CRACD: variants seen among roughly 807,000 people sequenced by gnomAD.
The protein encoded by CRACD is capping protein inhibiting regulator of actin dynamics, also known as capping protein-inhibiting regulator of actin dynamics.
Under a neutral mutation model 106.8 loss-of-function variants are expected in CRACD, and 56 were observed. The observed-to-expected ratio is 0.52, with a 90% confidence interval of 0.42 to 0.66. CRACD has a LOEUF of 0.66. Ranked by LOEUF, CRACD falls within the 30% of genes least tolerant of loss-of-function variation. The probability of loss-of-function intolerance (pLI) is 0.00; values close to 1 mark genes in which losing one functional copy is unlikely to be tolerated. For missense variants in CRACD, 1,730 were observed against 1,623.2 expected (o/e 1.07, Z -1.13); for synonymous variants, 754 against 670.8 (o/e 1.12, Z -1.92).
chr4:56,065,151 G>T (rs763062206), intron 1 of CRACD, among the ~76,000 whole-genome samples: 1 of 151,758 alleles, frequency 6.6e-6, no homozygotes, highest in Non-Finnish European at 1.5e-5. Flanking sequence ...GCAATGACAT[G>T]ATCTCAGCTC....
At chr4:56,300,275 G>A (rs773412969) in intron 4 of CRACD, among the ~76,000 whole-genome samples, 3 of 152,212 alleles carry the variant, frequency 2.0e-5, no homozygotes, top group Non-Finnish European at 2.9e-5. Context: ...TGGCAGACAG[G>A]GAAGTAGCCA....
intron 1 of CRACD, among the ~76,000 whole-genome samples, chr4:56,164,589 T>C (rs1736073772): frequency 2.0e-5 from 3 of 152,166 alleles, no homozygotes; most frequent in African/African-American, 7.2e-5. Context: ...TTCATGTATA[T>C]GACATTTGGG....
At chr4:56,199,767 C>G (rs1272884848) in intron 2 of CRACD, among the ~76,000 whole-genome samples, 1 of 151,020 alleles carries the variant, frequency 6.6e-6, no homozygotes, top group African/African-American at 2.4e-5. Context: ...CAATATTGTT[C>G]TGCTTTATGC....
intron 2 of CRACD, among the ~76,000 whole-genome samples, chr4:56,229,261 G>T (rs1334709788): frequency 6.6e-6 from 1 of 152,116 alleles, no homozygotes; most frequent in Non-Finnish European, 1.5e-5. Context: ...TTCGGAGGTG[G>T]CTCTGCCCTT....
At chr4:56,091,493 C>T (rs1219804036) in intron 1 of CRACD, among the ~76,000 whole-genome samples, 1 of 152,026 alleles carries the variant, frequency 6.6e-6, no homozygotes, top group Non-Finnish European at 1.5e-5. Context: ...CCCAGGATAG[C>T]CCATAAATGA....
intron 2 of CRACD, among the ~76,000 whole-genome samples, chr4:56,192,561 T>G (rs1737427037): frequency 6.6e-6 from 1 of 152,100 alleles, no homozygotes; most frequent in South Asian, 2.1e-4. Flanking sequence ...AGGTTCATGA[T>G]GAGGAACAGT....
chr4:56,126,803 TATTTTA>T (rs1263340994), intron 1 of CRACD, among the ~76,000 whole-genome samples: 1 of 152,190 alleles, frequency 6.6e-6, no homozygotes, highest in Non-Finnish European at 1.5e-5. Context: ...CTAACCCTAT[TATTTTA>T]TATATAAGGA....
intron 4 of CRACD, chr4:56,301,254 C>A (rs1377001645): frequency 2.1e-5 from 27 of 1,283,742 alleles, no homozygotes; most frequent in Non-Finnish European, 2.7e-5. Context: ...CCTGGTAAGT[C>A]GTAGAAGTGA....
chr4:56,206,975 A>G (rs547484271), intron 2 of CRACD, among the ~76,000 whole-genome samples: 21 of 152,342 alleles, frequency 1.4e-4, no homozygotes, highest in Admixed American at 5.9e-4. Flanking sequence ...AATACAGTGC[A>G]CCAGGGGGAC....
At chr4:56,136,376 T>C (rs567057224) in intron 1 of CRACD, among the ~76,000 whole-genome samples, 8 of 152,332 alleles carry the variant, frequency 5.3e-5, no homozygotes, top group South Asian at 4.1e-4. Context: ...ACATTCTCAC[T>C]AGCAGTATAT....
intron 2 of CRACD, among the ~76,000 whole-genome samples, chr4:56,268,597 C>T (rs1452577753): frequency 6.6e-6 from 1 of 152,156 alleles, no homozygotes; most frequent in Non-Finnish European, 1.5e-5. Context: ...AGCCATTTGA[C>T]CACTTACTGT....
Position 56,314,536 on chromosome 4 carries a change from G to A in CRACD, c.1034G>A (p.Arg345Lys). The A allele has an allele frequency of 1.3e-6, 2 of 1,508,680 alleles. No individual in the cohort carries two copies. The highest frequency in any genetic ancestry group is 1.8e-6 in the Non-Finnish European group (2 of 1,131,624). 93.5% of individuals were successfully genotyped at this position (1,508,680 alleles called of 1,614,324 possible). Residue 345 changes from arginine (R) to lysine (K), a missense_variant, in exon 8 of 11, where the codon AGG becomes AAG. By Grantham distance (26) the Arg-to-Lys change is conservative. Coordinates refer to ENST00000682029, the MANE Select transcript of CRACD (RefSeq NM_001393381.1). The surrounding 1 kb of genome is among the most constrained non-coding windows in gnomAD (Gnocchi z 4.4). Reference protein sequence around the residue: ...LEEDARLEERRRQEEEEGRCA... With the variant: ...LEEDARLEERKRQEEEEGRCA... Reference sequence around the variant, plus strand: ...GAGGACGCCAGGCTGGAGGAGCGGAGGCGGCAGGAGGAGGAGGAAGGAAGA... The same window carrying A: ...GAGGACGCCAGGCTGGAGGAGCGGAAGCGGCAGGAGGAGGAGGAAGGAAGA...
At chr4:56,149,742 T>C (rs1378615022) in intron 1 of CRACD, among the ~76,000 whole-genome samples, 3 of 152,220 alleles carry the variant, frequency 2.0e-5, no homozygotes, top group Non-Finnish European at 4.4e-5. Flanking sequence ...CACATAATTC[T>C]TTCAGATGAG....
chr4:56,101,356 A>C (rs111517675), intron 1 of CRACD, among the ~76,000 whole-genome samples: 57 of 152,268 alleles, frequency 3.7e-4, no homozygotes, highest in African/African-American at 1.4e-3. Flanking sequence ...AGCTATTAAA[A>C]TATTATAAAT....
intron 1 of CRACD, among the ~76,000 whole-genome samples, chr4:56,174,204 A>T (rs1736492151): frequency 6.6e-6 from 1 of 152,190 alleles, no homozygotes; most frequent in African/African-American, 2.4e-5. Context: ...TATGGGGTAC[A>T]TGGGATATTT....
intron 1 of CRACD, among the ~76,000 whole-genome samples, chr4:56,082,901 A>G (rs1333955733): frequency 2.6e-5 from 4 of 152,190 alleles, no homozygotes; most frequent in Non-Finnish European, 2.9e-5. Context: ...GAAAAAGTGC[A>G]TTAGAAAGGT....
In CRACD at chr4:56,315,754, T is replaced by C; in HGVS notation, c.2252T>C (p.Leu751Pro). 6.2e-7 allele frequency: 1 copy of C among 1,614,192 alleles called. No individual in the cohort carries two copies. ...EAESIRKRPM[L>P]GPSEETAPQP... Reference sequence around the variant, plus strand: ...GAAAGCATACGAAAAAGACCCATGCTGGGACCCAGCGAAGAGACAGCCCCC... The same window carrying C: ...GAAAGCATACGAAAAAGACCCATGCCGGGACCCAGCGAAGAGACAGCCCCC... The change falls in exon 8 of 11, where the codon CTG (leucine) becomes CCG (proline). Residue 751 changes from leucine to proline, a missense_variant. Leu to Pro is a moderately conservative substitution (Grantham distance 98). Coordinates refer to ENST00000682029, the MANE Select transcript of CRACD (RefSeq NM_001393381.1). The surrounding 1 kb of genome is among the most constrained non-coding windows in gnomAD (Gnocchi z 4.1).
intron 1 of CRACD, among the ~76,000 whole-genome samples, chr4:56,095,173 G>A (rs66839601): frequency 0.22 from 32,967 of 152,048 alleles, 3,755 homozygotes; most frequent in Middle Eastern, 0.29. Flanking sequence ...GCAACATAGT[G>A]AGACCTTGTC....
intron 4 of CRACD, among the ~76,000 whole-genome samples, chr4:56,301,431 G>A (rs1327556260): frequency 6.6e-6 from 1 of 152,118 alleles, no homozygotes; most frequent in Admixed American, 6.5e-5. Flanking sequence ...GTCTGGAATT[G>A]TCTTTGTGTA....
Sources: allele counts gnomAD v4.1 joint callset (sites outside exome capture counted in the v4.1 genomes callset), GRCh38; gene constraint gnomAD v4.1.1; non-coding constraint Gnocchi (gnomAD v3.1); transcripts MANE v1.5; gene names NCBI Gene and HGNC (gene_info 2026-07-23, HGNC 2026-07-21).